The following A2M variants were observed in gnomAD, a reference collection of about 807,000 sequenced individuals.
A2M encodes the protein C3 and PZP-like alpha-2-macroglobulin domain-containing protein 5.
A2M carries 128 observed loss-of-function variants against 183.9 expected under a neutral mutation model. The ratio of observed to expected loss-of-function variants is 0.70; its 90% CI spans 0.60 to 0.81. The LOEUF is 0.81. Ranked by LOEUF, A2M falls within the 30% of genes least tolerant of loss-of-function variation. The pLI is 0.00. For missense variants in A2M, 1,495 were observed against 1,787.6 expected (o/e 0.84, Z 2.95); for synonymous variants, 592 against 670.8 (o/e 0.88, Z 1.81).
Position 9,112,425 on chromosome 12 carries a change from G to A in A2M, c.382C>T (p.Leu128=). Residue 128 remains leucine, a synonymous_variant, in exon 3 of 36, where the codon CTG becomes TTG. Coordinates refer to ENST00000318602, the MANE Select transcript of A2M (RefSeq NM_000014.6). ...GATTTGTCTGTCTGGACAAAGACCA[G>A]ACTGTCCTCGTTCTTAACCATCACT... ...TTVMVKNEDS[L]VFVQTDKSIY... The A allele has an allele frequency of 6.2e-7, 1 of 1,613,950 alleles. No individual in the cohort carries two copies. Among genetic ancestry groups the A allele is most frequent in the Non-Finnish European group, 8.5e-7 (1 of 1,179,854 alleles).
At chr12:9,105,307 T>C (rs939013142) in intron 10 of A2M, among the ~76,000 whole-genome samples, 1 of 152,240 alleles carries the variant, frequency 6.6e-6, no homozygotes, top group Non-Finnish European at 1.5e-5. Context: ...CTAGAGAGTC[T>C]TATGACAAAT....
rs564083712 is a variant in A2M, at chr12:9,115,773, G to A, written c.77C>T (p.Ser26Phe). The change falls in exon 1 of 36, where the codon TCT (serine) becomes TTT (phenylalanine). Residue 26 changes from serine (S) to phenylalanine (F), a missense_variant. Coordinates refer to ENST00000318602, the MANE Select transcript of A2M (RefSeq NM_000014.6). ...LVLLPTDASV[S>F]GKPQYMVLVP... is the part of the protein sequence containing the mutation. ...TCTGTGTGGAACTCACGGTTTTCCA[G>A]AGACTGAGGCGTCTGTGGGCAGGAG... is the stretch of plus-strand genomic sequence containing the variant. 2.4e-5 allele frequency: 39 copies of A among 1,612,918 alleles called. No individual in the cohort carries two copies. The South Asian group carries it at 4.2e-4, about 17-fold the overall frequency.
intron 4 of A2M, among the ~76,000 whole-genome samples, chr12:9,110,971 C>T (rs2137965930): frequency 6.6e-6 from 1 of 152,156 alleles, no homozygotes; most frequent in African/African-American, 2.4e-5. Flanking sequence ...TGCAATTTTA[C>T]AGGTTGAGAA....
At chr12:9,074,268 A>G (rs1165085904) in intron 29 of A2M, among the ~76,000 whole-genome samples, 1 of 152,152 alleles carries the variant, frequency 6.6e-6, no homozygotes, top group Non-Finnish European at 1.5e-5. Context: ...GGCAGGAGAC[A>G]TCTCCTTCAT....
In A2M at chr12:9,076,818, G is replaced by T. The variant is rs1022108257; in HGVS notation, c.3470C>A (p.Ala1157Glu). 5.0e-6 allele frequency: 8 copies of T among 1,613,840 alleles called. No individual in the cohort carries two copies. The highest frequency in any genetic ancestry group is 6.8e-6 in the Non-Finnish European group (8 of 1,179,964). The change falls in exon 28 of 36, where the codon GCA becomes GAA. Residue 1157 changes from alanine to glutamate, a missense_variant. Coordinates refer to ENST00000318602, the MANE Select transcript of A2M (RefSeq NM_000014.6). The part of the protein sequence containing the change: ...KALLAYAFAL[A>E]GNQDKRKEVL... ...TTCCTTCCTCTTGTCCTGGTTACCT[G>T]CCAGGGCAAAAGCATAGGCCAGCAG...
rs773810000 is a variant in A2M at position 9,072,445 on chromosome 12, G to A, written c.4017C>T (p.Phe1339=). 2.5e-6 allele frequency: 4 copies of A among 1,613,242 alleles called. No homozygotes were observed. The South Asian group carries it at 3.3e-5, about 13-fold the overall frequency. Residue 1339 remains phenylalanine (F), a synonymous_variant, in exon 31 of 36, where the codon TTC becomes TTT. Coordinates refer to ENST00000318602, the MANE Select transcript of A2M (RefSeq NM_000014.6). ...GAGTCTGCACTCCTAAAGCAAAGGG[G>A]AACTCTTCCTTTTCTGGGAGAATAT... ...KYNILPEKEE[F]PFALGVQTLP...
In A2M at chr12:9,070,292, T is replaced by A. The variant is rs1323155624; in HGVS notation, c.4194+196A>T. Among the ~76,000 whole-genome samples, 3 of 152,242 alleles carry A rather than the reference T, an allele frequency of 2.0e-5. No homozygotes were observed. The East Asian group carries it at 5.8e-4, about 29-fold the overall frequency. On this transcript the variant is annotated intron_variant, in intron 32 of 35. Coordinates refer to ENST00000318602, the MANE Select transcript of A2M (RefSeq NM_000014.6). ...CCTGCTGACAATCTTTTTCTTGTAG[T>A]CATGGGTCCTAGCACAGTGCTCTGC...
At chr12:9,107,950 C>T (rs991675242) in intron 7 of A2M, among the ~76,000 whole-genome samples, 2 of 151,514 alleles carry the variant, frequency 1.3e-5, no homozygotes, top group African/African-American at 4.9e-5. Flanking sequence ...GAAACAATAC[C>T]AGCAAGACGA....
chr12:9,106,121 T>TA, intron 10 of A2M, 115 bp downstream of exon 10: 3 of 594,460 alleles, frequency 5.0e-6, no homozygotes. Context: ...TATTTTATAC[T>TA]TTTGGTTATA....
At chr12:9,076,657 A>G in intron 28 of A2M, 99 bp downstream of exon 28, 1 of 1,065,602 alleles carries the variant, frequency 9.4e-7, no homozygotes, top group Non-Finnish European at 1.4e-6. Flanking sequence ...AAAAGAAGAG[A>G]GGAGACAGGG....
At chr12:9,091,555 A>C (rs1467993154) in intron 18 of A2M, 126 bp from the exon 19 acceptor site, 2 of 952,022 alleles carry the variant, frequency 2.1e-6, no homozygotes, top group Non-Finnish European at 3.1e-6. Flanking sequence ...CCAATAATGG[A>C]GAGTATAATC....
intron 7 of A2M, 151 bp downstream of exon 7, chr12:9,109,170 C>T: frequency 1.7e-6 from 1 of 600,660 alleles, no homozygotes. Context: ...AGAAAAGCAA[C>T]AGGAGAATAA....
intron 28 of A2M, 55 bp downstream of exon 28, chr12:9,076,701 T>C (rs1211185671): frequency 1.3e-6 from 2 of 1,589,344 alleles, no homozygotes; most frequent in African/African-American, 2.7e-5. Flanking sequence ...ATTTTTGCCA[T>C]GCAGTTCTTG....
At chr12:9,111,502 T>C (rs1164201962) in intron 4 of A2M, 2 of 456,424 alleles carry the variant, frequency 4.4e-6, no homozygotes, top group Admixed American at 4.7e-5. Flanking sequence ...GTAGTTCAGA[T>C]GATAAGAAAT....
intron 25 of A2M, among the ~76,000 whole-genome samples, chr12:9,078,384 T>C (rs969621675): frequency 6.6e-6 from 1 of 152,230 alleles, no homozygotes; most frequent in African/African-American, 2.4e-5. Context: ...TTCTTTTTAT[T>C]GCTGCATAGT....
intron 28 of A2M, 131 bp downstream of exon 28, chr12:9,076,625 A>C (rs1948754393): frequency 1.3e-6 from 1 of 792,778 alleles, no homozygotes; most frequent in Admixed American, 2.9e-5. Flanking sequence ...TGCAATATGG[A>C]CAAAATATAT....
intron 13 of A2M, among the ~76,000 whole-genome samples, chr12:9,100,452 T>C (rs1265708199): frequency 3.9e-5 from 6 of 152,104 alleles, no homozygotes; most frequent in Admixed American, 3.9e-4. Flanking sequence ...ATTTATTTAT[T>C]TACTTTTATA....
At chr12:9,108,720 A>G (rs1938495722) in intron 7 of A2M, among the ~76,000 whole-genome samples, 1 of 152,156 alleles carries the variant, frequency 6.6e-6, no homozygotes, top group African/African-American at 2.4e-5. Flanking sequence ...GATCCAGGAA[A>G]CAAGACTTTT....
chr12:9,087,823 G>T (rs999968207), intron 22 of A2M, among the ~76,000 whole-genome samples: 1 of 151,976 alleles, frequency 6.6e-6, no homozygotes, highest in Non-Finnish European at 1.5e-5. Context: ...ACAAAACTAT[G>T]CATATCTATG....
Sources: allele counts gnomAD v4.1 joint callset (sites outside exome capture counted in the v4.1 genomes callset), GRCh38; gene constraint gnomAD v4.1.1; transcripts MANE v1.5; gene names NCBI Gene and HGNC (gene_info 2026-07-23, HGNC 2026-07-21).